Variants in RAD51B observed in about 807,000 individuals in gnomAD.
RAD51B encodes RAD51 paralog B.
RAD51B carries 38 observed loss-of-function variants against 42.2 expected under a neutral mutation model. The ratio of observed to expected loss-of-function variants is 0.90; its 90% CI spans 0.70 to 1.18. The LOEUF is 1.18. Among genes scored for constraint, RAD51B ranks in the 50% most tolerant of loss-of-function variants. RAD51B has a pLI of 0.00. For synonymous variants in RAD51B, 154 were observed against 145.2 expected, an observed-to-expected ratio of 1.06 and a Z score of -0.43; for missense variants, 373 against 400.7, an observed-to-expected ratio of 0.93 and a Z score of 0.59.
chr14:68,561,791 C>T (rs1889163244), intron 10 of RAD51B, among the ~76,000 whole-genome samples: 1 of 152,226 alleles, frequency 6.6e-6, no homozygotes, highest in Non-Finnish European at 1.5e-5. Context: ...CTCAAAGGCA[C>T]TGCAGCTTGG....
intron 8 of RAD51B, among the ~76,000 whole-genome samples, chr14:68,353,068 A>AGAAAGCATTGTT (rs1437804703): frequency 1.3e-5 from 2 of 152,350 alleles, no homozygotes; most frequent in East Asian, 3.9e-4. Context: ...TAGCAATGTC[A>AGAAAGCATTGTT]GAAAGCAAGT....
intron 10 of RAD51B, among the ~76,000 whole-genome samples, chr14:68,587,019 T>A (rs1322566191): frequency 6.7e-6 from 1 of 148,456 alleles, no homozygotes; most frequent in East Asian, 1.9e-4. Flanking sequence ...AGCAAAACTC[T>A]GTCTCAAAAA....
At chr14:68,189,026 G>A (rs1195994525) in intron 7 of RAD51B, among the ~76,000 whole-genome samples, 2 of 151,854 alleles carry the variant, frequency 1.3e-5, no homozygotes, top group Non-Finnish European at 2.9e-5. Flanking sequence ...TATTGTAGTG[G>A]TTCTGCTGCT....
chr14:68,021,943 G>A (rs1166962107), intron 7 of RAD51B, among the ~76,000 whole-genome samples: 1 of 152,190 alleles, frequency 6.6e-6, no homozygotes, highest in African/African-American at 2.4e-5. Flanking sequence ...CAGGCTGGTG[G>A]TTGGTGAAAG....
At chr14:68,550,837 A>G (rs571220947) in intron 10 of RAD51B, among the ~76,000 whole-genome samples, 2 of 152,328 alleles carry the variant, frequency 1.3e-5, no homozygotes, top group South Asian at 2.1e-4. Flanking sequence ...ACATTGGGAA[A>G]TAATAGCAAA....
At chr14:68,424,028 G>T (rs1002415616) in intron 9 of RAD51B, among the ~76,000 whole-genome samples, 1 of 152,064 alleles carries the variant, frequency 6.6e-6, no homozygotes, top group Non-Finnish European at 1.5e-5. Flanking sequence ...GTCATTTATC[G>T]TCAAAGAAGA....
At chr14:67,844,101 T>C (rs373693362) in intron 4 of RAD51B, among the ~76,000 whole-genome samples, 4 of 152,220 alleles carry the variant, frequency 2.6e-5, no homozygotes, top group Non-Finnish European at 5.9e-5. Context: ...TTAATTTCAT[T>C]GTTTACCCAA....
intron 8 of RAD51B, among the ~76,000 whole-genome samples, chr14:68,379,907 G>A (rs148663888): frequency 4.6e-5 from 7 of 152,358 alleles, no homozygotes; most frequent in African/African-American, 1.4e-4. Flanking sequence ...ACCCTCTTCC[G>A]CTGTTGGCGG....
intron 8 of RAD51B, among the ~76,000 whole-genome samples, chr14:68,394,857 G>A (rs2083867202): frequency 6.6e-6 from 1 of 152,212 alleles, no homozygotes; most frequent in African/African-American, 2.4e-5. Flanking sequence ...CTCCGATGCT[G>A]CCCACTGTCC....
intron 10 of RAD51B, among the ~76,000 whole-genome samples, chr14:68,496,789 A>T (rs991842732): frequency 2.6e-5 from 4 of 152,228 alleles, no homozygotes; most frequent in Non-Finnish European, 5.9e-5. Flanking sequence ...TTCCACCCTC[A>T]TGAATGACTT....
intron 10 of RAD51B, among the ~76,000 whole-genome samples, chr14:68,506,129 G>C (rs889239871): frequency 1.3e-5 from 2 of 152,164 alleles, no homozygotes; most frequent in Non-Finnish European, 2.9e-5. Context: ...CCTGGGCCTA[G>C]AACAGTTGTA....
intron 9 of RAD51B, among the ~76,000 whole-genome samples, chr14:68,428,063 A>G (rs1171665479): frequency 6.6e-6 from 1 of 152,130 alleles, no homozygotes; most frequent in Non-Finnish European, 1.5e-5. Flanking sequence ...CCCTTCCACC[A>G]TGGGATGATG....
At chr14:68,063,332 C>G (rs2076598979) in intron 7 of RAD51B, among the ~76,000 whole-genome samples, 1 of 152,090 alleles carries the variant, frequency 6.6e-6, no homozygotes, top group African/African-American at 2.4e-5. Context: ...GTGGGGCCCA[C>G]TGGAAGGTGA....
intron 10 of RAD51B, among the ~76,000 whole-genome samples, chr14:68,590,507 T>C (rs1890691787): frequency 6.6e-6 from 1 of 152,244 alleles, no homozygotes; most frequent in South Asian, 2.1e-4. Flanking sequence ...AAAGGAAACC[T>C]GGCGATGTCA....
chr14:68,425,995 CCTTCCTTCCTTCCTTT>C (rs138178947), intron 9 of RAD51B, among the ~76,000 whole-genome samples: 6,060 of 110,732 alleles, frequency 0.055, 419 homozygotes, highest in African/African-American at 0.2. Flanking sequence ...TTCCTTCCTT[CCTTCCTTCCTTCCTTT>C]CTTTCTTTCT....
At chr14:68,098,281 T>A (rs2077228552) in intron 7 of RAD51B, among the ~76,000 whole-genome samples, 1 of 152,230 alleles carries the variant, frequency 6.6e-6, no homozygotes, top group Non-Finnish European at 1.5e-5. Flanking sequence ...TTCATAACTT[T>A]TATTGAGTGC....
intron 10 of RAD51B, among the ~76,000 whole-genome samples, chr14:68,586,062 C>T (rs1890454362): frequency 6.7e-6 from 1 of 150,026 alleles, no homozygotes; most frequent in South Asian, 2.1e-4. Flanking sequence ...CTTCCTGCAG[C>T]CCTCCCTTAC....
At chr14:68,188,111 G>A (rs950884745) in intron 7 of RAD51B, among the ~76,000 whole-genome samples, 7 of 152,032 alleles carry the variant, frequency 4.6e-5, no homozygotes, top group African/African-American at 1.7e-4. Flanking sequence ...CACCACTCCC[G>A]GCCTGGACAT....
At chr14:68,641,240 A>G (rs1892453549) in intron 10 of RAD51B, among the ~76,000 whole-genome samples, 1 of 152,196 alleles carries the variant, frequency 6.6e-6, no homozygotes. Flanking sequence ...TACGGGATTT[A>G]ATTTCAAATT....
Sources: gnomAD v4.1 joint callset for allele counts (sites outside exome capture counted in the v4.1 genomes callset) on GRCh38, gnomAD v4.1.1 for gene constraint, MANE v1.5 for transcripts, NCBI Gene and HGNC (gene_info 2026-07-23, HGNC 2026-07-21) for gene names.